GPC6: variants seen among roughly 807,000 people sequenced by gnomAD.
The protein encoded by GPC6 is glypican-6.
A neutral mutation model predicts 55.2 loss-of-function variants in GPC6; 14 were observed. That is an observed-to-expected ratio of 0.25 (90% CI 0.17 to 0.40). The LOEUF (loss-of-function observed/expected upper bound fraction) is 0.40. GPC6 is among the 10% of genes least tolerant of loss of function. GPC6 has a pLI of 1.00. For synonymous variants in GPC6, 278 were observed against 259.6 expected (o/e 1.07, Z -0.68); for missense variants, 641 against 708.5 (o/e 0.90, Z 1.08).
intron 4 of GPC6, among the ~76,000 whole-genome samples, chr13:94,043,903 A>G (rs1234921936): frequency 6.6e-6 from 1 of 151,808 alleles, no homozygotes; most frequent in African/African-American, 2.4e-5. Flanking sequence ...TAGGTTAGTC[A>G]TCTTCTTGAA....
intron 1 of GPC6, among the ~76,000 whole-genome samples, chr13:93,316,641 A>G (rs1413441723): frequency 6.6e-6 from 1 of 152,090 alleles, no homozygotes; most frequent in Non-Finnish European, 1.5e-5. Flanking sequence ...AATAGTTAAA[A>G]TAAAAGAACC....
intron 1 of GPC6, among the ~76,000 whole-genome samples, chr13:93,238,495 T>C (rs530508631): frequency 6.6e-6 from 1 of 150,846 alleles, no homozygotes; most frequent in South Asian, 2.1e-4. Context: ...TTTAGGGTTT[T>C]TTTAGGTATA....
At chr13:93,548,339 TTTTC>T (rs1238338950) in intron 2 of GPC6, among the ~76,000 whole-genome samples, 12 of 152,180 alleles carry the variant, frequency 7.9e-5, no homozygotes, top group South Asian at 4.1e-4. Context: ...GGTTGATGAC[TTTTC>T]TTTCTATTTT....
At chr13:94,346,064 TG>T (rs1878272443) in intron 6 of GPC6, among the ~76,000 whole-genome samples, 1 of 126,062 alleles carries the variant, frequency 7.9e-6, no homozygotes, top group Non-Finnish European at 1.8e-5. Flanking sequence ...CCTCATCACA[TG>T]GCATTTCCCT....
In GPC6 at chr13:93,333,358, T is replaced by G. The variant is rs542554543; in HGVS notation, c.160+105742T>G. ...ACATAATATCCTTGTATTCTTTTGT[T>G]GTTATCTTTAACTTCTTTCATCAGT... is the stretch of plus-strand genomic sequence containing the variant. On this transcript the variant is annotated intron_variant, in intron 1 of 8. Transcript: ENST00000377047. Among the ~76,000 whole-genome samples the G allele has an allele frequency of 3.3e-5, 5 of 152,242 alleles. No individual in the cohort carries two copies. The East Asian group carries it at 9.7e-4, about 29-fold the overall frequency.
intron 4 of GPC6, among the ~76,000 whole-genome samples, chr13:94,107,857 A>G (rs1241500689): frequency 6.6e-6 from 1 of 152,140 alleles, no homozygotes; most frequent in Non-Finnish European, 1.5e-5. Flanking sequence ...TACTCCTGCA[A>G]GAATGGCCAT....
At chr13:93,846,026 G>T (rs1204288145) in intron 3 of GPC6, among the ~76,000 whole-genome samples, 3 of 151,814 alleles carry the variant, frequency 2.0e-5, no homozygotes, top group African/African-American at 7.3e-5. Flanking sequence ...TAAACCAAAA[G>T]CTAAGAAGAA....
intron 1 of GPC6, among the ~76,000 whole-genome samples, chr13:93,389,459 G>A (rs1326440474): frequency 2.7e-5 from 4 of 149,082 alleles, no homozygotes; most frequent in East Asian, 4.0e-4. Flanking sequence ...AGCCGAGATC[G>A]CACCACTGCA....
intron 3 of GPC6, among the ~76,000 whole-genome samples, chr13:93,962,885 G>A (rs1879852065): frequency 6.6e-6 from 1 of 152,108 alleles, no homozygotes; most frequent in Non-Finnish European, 1.5e-5. Context: ...CACAGCAATG[G>A]CAATAGGTAC....
intron 8 of GPC6, 74 bp from the exon 9 acceptor site, chr13:94,402,940 GA>G (rs1881207535): frequency 9.6e-7 from 1 of 1,046,486 alleles, no homozygotes; most frequent in Admixed American, 1.7e-5. Context: ...TACAATTCAA[GA>G]TGAGATTTGG....
chr13:93,509,741 G>A (rs2139382532), intron 1 of GPC6, among the ~76,000 whole-genome samples: 1 of 152,272 alleles, frequency 6.6e-6, no homozygotes, highest in Non-Finnish European at 1.5e-5. Flanking sequence ...AGCAAAAGTA[G>A]TAAAAGACAT....
At chr13:93,351,415 C>CA (rs1045844149) in intron 1 of GPC6, among the ~76,000 whole-genome samples, 6 of 151,804 alleles carry the variant, frequency 4.0e-5, no homozygotes, top group African/African-American at 1.2e-4. Flanking sequence ...ATTTAGTTGT[C>CA]AAAAAAGAGT....
chr13:93,703,784 G>T (rs1400825653), intron 2 of GPC6, among the ~76,000 whole-genome samples: 1 of 151,836 alleles, frequency 6.6e-6, no homozygotes, highest in Non-Finnish European at 1.5e-5. Flanking sequence ...TTATCCCTAG[G>T]TCTGTGATTT....
rs1028800235 is a variant in GPC6 at position 93,965,122 on chromosome 13, T to G, written c.712-62607T>G. On this transcript the variant is annotated intron_variant, in intron 3 of 8. Transcript: ENST00000377047. ...TATGAGTTTGTTTTTTTTTTTTTTT[T>G]TTTTTTTTTTAGCAAGGGAAGTTTG... Among the ~76,000 whole-genome samples the G allele has an allele frequency of 1.0e-4, 15 of 146,216 alleles. No individual in the cohort carries two copies. In the East Asian group the frequency reaches 2.2e-3, roughly 21 times the overall value.
intron 2 of GPC6, among the ~76,000 whole-genome samples, chr13:93,609,453 G>A (rs1878375506): frequency 6.6e-6 from 1 of 152,190 alleles, no homozygotes; most frequent in African/African-American, 2.4e-5. Context: ...GGCCAGACTG[G>A]TCTTGACCTC....
chr13:93,545,420 C>T lies in GPC6; in HGVS notation c.318C>T (p.Asp106=), dbSNP rs371342066. The change falls in exon 2 of 9, where the codon GAC becomes GAT. Residue 106 remains aspartate, a splice_region_variant and synonymous_variant. Transcript: ENST00000377047. The stretch of plus-strand genomic sequence containing the variant: ...TTGTGTCCAGGCATAAGAAATTTGA[C>T]GGTAGGTGAAATGGTTTTCACTTCA... ...TTFVSRHKKF[D]EFFRELLENA... is the part of the protein sequence containing the mutation. 3.7e-5 allele frequency: 59 copies of T among 1,612,520 alleles called. No homozygotes were observed. Among genetic ancestry groups the T allele is most frequent in the South Asian group, 1.8e-4 (16 of 91,056 alleles).
intron 3 of GPC6, among the ~76,000 whole-genome samples, chr13:93,887,681 G>A (rs1057083813): frequency 4.6e-5 from 7 of 152,072 alleles, no homozygotes; most frequent in African/African-American, 1.7e-4. Context: ...GGGAATTAGT[G>A]ACTTCGTGCC....
chr13:93,489,566 T>C (rs1280800243), intron 1 of GPC6, among the ~76,000 whole-genome samples: 1 of 151,494 alleles, frequency 6.6e-6, no homozygotes, highest in Non-Finnish European at 1.5e-5. Flanking sequence ...TTGGGCAGTA[T>C]GGCCATTTTC....
intron 4 of GPC6, among the ~76,000 whole-genome samples, chr13:94,226,555 T>A (rs1474365741): frequency 6.6e-6 from 1 of 152,132 alleles, no homozygotes; most frequent in African/African-American, 2.4e-5. Context: ...TACAATTTTT[T>A]AAAAAAGGTA....
Sources: allele counts gnomAD v4.1 joint callset (sites outside exome capture counted in the v4.1 genomes callset), GRCh38; gene constraint gnomAD v4.1.1; transcripts MANE v1.5; gene names NCBI Gene and HGNC (gene_info 2026-07-23, HGNC 2026-07-21).